Variants in FBXO42 observed in about 807,000 individuals in gnomAD.
The protein encoded by FBXO42 is F-box protein 42, also known as F-box only protein 42.
FBXO42 carries 12 observed loss-of-function variants against 71.7 expected under a neutral mutation model. The observed-to-expected ratio is 0.17, with a 90% confidence interval of 0.11 to 0.27. The LOEUF (loss-of-function observed/expected upper bound fraction) is 0.27. FBXO42 is among the 10% of genes least tolerant of loss of function. FBXO42 has a pLI of 1.00. For missense variants in FBXO42, 707 were observed against 911.9 expected (o/e 0.78, Z 2.89); for synonymous variants, 325 against 327.5 (o/e 0.99, Z 0.08).
chr1:16,270,674 C>CAAAAAAAAAAAAAAAAAA (rs34861558), intron 4 of FBXO42, among the ~76,000 whole-genome samples: 1 of 14,906 alleles, frequency 6.7e-5, no homozygotes, highest in African/African-American at 2.2e-4. Flanking sequence ...CTCTGTCTCT[C>CAAAAAAAAAAAAAAAAAA]AAAAAAAAAA....
At chr1:16,346,039 G>A (rs1021792515) in intron 1 of FBXO42, among the ~76,000 whole-genome samples, 4 of 151,976 alleles carry the variant, frequency 2.6e-5, no homozygotes, top group African/African-American at 7.3e-5. Flanking sequence ...CAAATTTCAG[G>A]GTCAGAACGA....
chr1:16,251,429 T>C lies in FBXO42; in HGVS notation c.1395A>G (p.Pro465=), dbSNP rs766982363. 1.9e-5 allele frequency: 31 copies of C among 1,613,898 alleles called. No individual in the cohort carries two copies. Among genetic ancestry groups the C allele is most frequent in the Non-Finnish European group, 7.6e-6 (9 of 1,179,972 alleles). ...ATCCTTCAGGAGCAGATGGAGTACT[T>C]GGAGATATGGCCTGTACAGGACTGT... ...SLDSPVQAIS[P]STPSAPEGYD... The change falls in exon 10 of 10, where the codon CCA becomes CCG. Residue 465 remains proline, a synonymous_variant. Transcript: ENST00000375592. The surrounding 1 kb of genome is among the most constrained non-coding windows in gnomAD (Gnocchi z 4.5).
intron 5 of FBXO42, among the ~76,000 whole-genome samples, chr1:16,256,052 C>T (rs2081640347): frequency 6.6e-6 from 1 of 152,256 alleles, no homozygotes; most frequent in South Asian, 2.1e-4. Context: ...GATGAGAAAA[C>T]GATGACAAGA....
chr1:16,274,398 G>A (rs1190692200), intron 4 of FBXO42, among the ~76,000 whole-genome samples: 1 of 151,986 alleles, frequency 6.6e-6, no homozygotes, highest in Non-Finnish European at 1.5e-5. Flanking sequence ...ACCTCTATGG[G>A]GGTTGTACAG....
Position 16,253,578 on chromosome 1 carries a change from G to A in FBXO42, c.864+57C>T, listed in dbSNP as rs185176747. Reference sequence around the variant, plus strand: ...TACCTGACTCCCTCCTCCCTCTCCCGTCCTAACTGAAAGACGCTACAGTGT... The same window carrying A: ...TACCTGACTCCCTCCTCCCTCTCCCATCCTAACTGAAAGACGCTACAGTGT... On this transcript the variant is annotated intron_variant, in intron 7 of 9. Coordinates refer to ENST00000375592, the MANE Select transcript of FBXO42 (RefSeq NM_018994.3). 2.0e-4 allele frequency: 307 copies of A among 1,533,076 alleles called. 2 individuals are homozygous for A. In the Admixed American group the frequency reaches 3.2e-3, roughly 16 times the overall value. The allele number at this position is 1,533,076 out of a possible 1,614,324, so 95.0% of individuals were successfully genotyped here. A position where few individuals can be genotyped will look rare whatever the true frequency, so the allele number is the denominator to read the frequency against.
chr1:16,281,315 G>A (rs2081961075), intron 4 of FBXO42, among the ~76,000 whole-genome samples: 1 of 152,104 alleles, frequency 6.6e-6, no homozygotes, highest in Non-Finnish European at 1.5e-5. Context: ...CTATTGAGTT[G>A]ATATGAAGGT....
intron 2 of FBXO42, 53 bp from the exon 3 acceptor site, chr1:16,305,972 A>G (rs2082245809): frequency 2.4e-6 from 3 of 1,243,640 alleles, no homozygotes; most frequent in Non-Finnish European, 2.4e-6. Context: ...TATCCATCAA[A>G]TTATTAAAAC....
intron 1 of FBXO42, among the ~76,000 whole-genome samples, chr1:16,340,095 GA>G (rs1164335452): frequency 2.6e-5 from 4 of 151,740 alleles, no homozygotes; most frequent in Non-Finnish European, 4.4e-5. Flanking sequence ...AGAATGGCGT[GA>G]ACCCGGGATG....
At chr1:16,336,956 G>A (rs890442932) in intron 1 of FBXO42, among the ~76,000 whole-genome samples, 2 of 152,104 alleles carry the variant, frequency 1.3e-5, no homozygotes. Flanking sequence ...TTGCACTCTA[G>A]CCTGGGCAAT....
At chr1:16,303,131 T>C (rs942647796) in intron 3 of FBXO42, among the ~76,000 whole-genome samples, 52 of 152,190 alleles carry the variant, frequency 3.4e-4, no homozygotes, top group African/African-American at 1.2e-3. Flanking sequence ...AGGAGGTTCA[T>C]GTGGCTGAAG....
At chr1:16,288,952 T>A (rs1298188990) in intron 4 of FBXO42, among the ~76,000 whole-genome samples, 5 of 148,418 alleles carry the variant, frequency 3.4e-5, no homozygotes, top group African/African-American at 1.2e-4. Context: ...AGTGAGACTA[T>A]GTCTCAAAAA....
At chr1:16,329,162 CAAAAAA>C (rs1221377687) in intron 1 of FBXO42, among the ~76,000 whole-genome samples, 2 of 60,440 alleles carry the variant, frequency 3.3e-5, no homozygotes, top group Non-Finnish European at 3.3e-5. Context: ...GACTCTGTCT[CAAAAAA>C]AAAAAAAAAA....
intron 4 of FBXO42, among the ~76,000 whole-genome samples, chr1:16,283,590 C>T (rs946440134): frequency 3.4e-5 from 5 of 147,146 alleles, no homozygotes; most frequent in East Asian, 2.1e-4. Context: ...CTCCACCTCC[C>T]GGGTTCAAGC....
chr1:16,332,158 G>T (rs1444139237), intron 1 of FBXO42, among the ~76,000 whole-genome samples: 1 of 152,166 alleles, frequency 6.6e-6, no homozygotes, highest in East Asian at 1.9e-4. Flanking sequence ...TTCATTCTGG[G>T]ATAACAGATT....
chr1:16,306,040 T>C, intron 2 of FBXO42, 121 bp from the exon 3 acceptor site: 3 of 721,934 alleles, frequency 4.2e-6, no homozygotes, highest in Non-Finnish European at 6.9e-6. Flanking sequence ...TTTCTTTTTT[T>C]GAGATGGAGT....
At chr1:16,286,639 C>T (rs1177671918) in intron 4 of FBXO42, among the ~76,000 whole-genome samples, 1 of 152,134 alleles carries the variant, frequency 6.6e-6, no homozygotes, top group Non-Finnish European at 1.5e-5. Context: ...TACATGGCTA[C>T]CTCCAGCCTG....
intron 1 of FBXO42, among the ~76,000 whole-genome samples, chr1:16,329,468 C>G (rs1328395831): frequency 6.6e-6 from 1 of 151,832 alleles, no homozygotes; most frequent in African/African-American, 2.4e-5. Context: ...CCTGTAGTCC[C>G]AGCTACTTGG....
chr1:16,350,759 AAGAAAGAAAG>A (rs1301009177), intron 1 of FBXO42, among the ~76,000 whole-genome samples: 74 of 132,540 alleles, frequency 5.6e-4, no homozygotes, highest in African/African-American at 1.8e-3. Context: ...AAAAAAAAAA[AAGAAAGAAAG>A]AAAGAAAGAA....
chr1:16,332,943 C>T (rs6702819), intron 1 of FBXO42, among the ~76,000 whole-genome samples: 3,995 of 152,204 alleles, frequency 0.026, 177 homozygotes, highest in African/African-American at 0.089. Context: ...CTTTTTCCAA[C>T]AGATTTCAAT....
Sources: allele counts gnomAD v4.1 joint callset (sites outside exome capture counted in the v4.1 genomes callset), GRCh38; gene constraint gnomAD v4.1.1; non-coding constraint Gnocchi (gnomAD v3.1); transcripts MANE v1.5; gene names NCBI Gene and HGNC (gene_info 2026-07-23, HGNC 2026-07-21).